BRAF: variants seen among roughly 807,000 people sequenced by gnomAD.
The protein encoded by BRAF is serine/threonine-protein kinase B-raf.
A neutral mutation model predicts 104.6 loss-of-function variants in BRAF; 16 were observed. The ratio of observed to expected loss-of-function variants is 0.15; its 90% CI spans 0.10 to 0.23. The LOEUF (loss-of-function observed/expected upper bound fraction) is 0.23, where lower values mean the gene tolerates loss of function less well. Among genes scored for constraint, BRAF ranks in the 10% least tolerant of loss-of-function variants. The pLI is 1.00. For synonymous variants in BRAF, 310 were observed against 341.6 expected, an observed-to-expected ratio of 0.91 and a Z score of 1.02; for missense variants, 541 against 937.3, an observed-to-expected ratio of 0.58 and a Z score of 5.52.
At chr7:140,828,434 GC>G (rs1806319931) in intron 3 of BRAF, among the ~76,000 whole-genome samples, 1 of 152,038 alleles carries the variant, frequency 6.6e-6, no homozygotes, top group Non-Finnish European at 1.5e-5. Flanking sequence ...ATTGAGCTCA[GC>G]TATACATTTA....
At position 140,720,362 on chromosome 7, in the gene BRAF, G is replaced by A. The variant is rs1416019114; in HGVS notation, c.*6132C>T. The A allele has an allele frequency of 9.4e-7, 1 of 1,062,462 alleles. No individual in the cohort carries two copies. Among genetic ancestry groups the A allele is most frequent in the Non-Finnish European group, 1.1e-6 (1 of 877,566 alleles). The allele number at this position is 1,062,462 out of a possible 1,614,324, so 65.8% of individuals were successfully genotyped here. ...CATTTTAAAATGAAGGCAGGAGAAG[G>A]GGACAGCACAGAGACATACACCCCT... is the stretch of plus-strand genomic sequence containing the variant. On this transcript the variant is annotated 3_prime_UTR_variant, in exon 20 of 20. Transcript: ENST00000644969.
At chr7:140,782,290 T>C (rs1297278399) in intron 11 of BRAF, among the ~76,000 whole-genome samples, 1 of 152,208 alleles carries the variant, frequency 6.6e-6, no homozygotes. Context: ...AATGTTTTTA[T>C]CATCTGGAAG....
intron 1 of BRAF, among the ~76,000 whole-genome samples, chr7:140,902,036 GCTT>G (rs1815705322): frequency 1.3e-5 from 2 of 152,330 alleles, no homozygotes; most frequent in African/African-American, 4.8e-5. Context: ...GTACAGGCAT[GCTT>G]CATCATATTG....
At position 140,778,088 on chromosome 7, in the gene BRAF, T is replaced by C. The variant is rs1208638900; in HGVS notation, c.1553-13A>G. On this transcript the variant is annotated splice_polypyrimidine_tract_variant and intron_variant, in intron 12 of 19. Coordinates refer to ENST00000644969, the MANE Select transcript of BRAF (RefSeq NM_001374258.1). ...ACTGCCACATCACCTAAAAGGCAAT[T>C]GTTACTCCAAGTGTCATTTCAATTT... The C allele has an allele frequency of 1.2e-6, 2 of 1,612,694 alleles. No homozygotes were observed. The highest frequency in any genetic ancestry group is 1.7e-6 in the Non-Finnish European group (2 of 1,179,206).
intron 18 of BRAF, among the ~76,000 whole-genome samples, chr7:140,738,900 G>A (rs552555708): frequency 1.1e-4 from 17 of 150,946 alleles, no homozygotes; most frequent in Non-Finnish European, 2.1e-4. Context: ...TGTAAGCCAC[G>A]ACACCTGGCC....
chr7:140,760,187 C>A (rs138876691), intron 14 of BRAF, among the ~76,000 whole-genome samples: 223 of 152,200 alleles, frequency 1.5e-3, no homozygotes, highest in Admixed American at 2.9e-3. Flanking sequence ...CCGAGATGGG[C>A]AGACCACTTG....
chr7:140,739,898 C>A lies in BRAF; in HGVS notation c.2161G>T (p.Val721Leu). The change falls in exon 18 of 20, where the codon GTA (valine) becomes TTA (leucine). Residue 721 changes from valine (V) to leucine (L), a missense_variant. By Grantham distance (32) the Val-to-Leu change is conservative. Transcript: ENST00000644969. ...RGYLSPDLSK[V>L]RSNCPKAMKR... ...ATGGCTTTTGGACAGTTACTCCGTA[C>A]CTTACTGAGATCTGGAGACAGGTAT... The A allele has an allele frequency of 6.2e-7, 1 of 1,613,634 alleles. No individual in the cohort carries two copies. The highest frequency in any genetic ancestry group is 8.5e-7 in the Non-Finnish European group (1 of 1,179,804).
intron 14 of BRAF, among the ~76,000 whole-genome samples, chr7:140,765,127 C>T (rs765919759): frequency 1.3e-5 from 2 of 152,000 alleles, no homozygotes; most frequent in African/African-American, 2.4e-5. Flanking sequence ...CAGAACAGAG[C>T]CCTCAGAAAT....
At chr7:140,772,598 C>A (rs1328134892) in intron 14 of BRAF, among the ~76,000 whole-genome samples, 5 of 151,928 alleles carry the variant, frequency 3.3e-5, no homozygotes, top group Non-Finnish European at 7.4e-5. Context: ...CCTGTCCAGC[C>A]TGGGTGACAG....
At chr7:140,767,067 G>T (rs369628314) in intron 14 of BRAF, among the ~76,000 whole-genome samples, 1 of 151,984 alleles carries the variant, frequency 6.6e-6, no homozygotes, top group Non-Finnish European at 1.5e-5. Flanking sequence ...GCAGTGGCGC[G>T]ATCTTGACTC....
intron 2 of BRAF, among the ~76,000 whole-genome samples, chr7:140,840,486 T>C (rs1183074540): frequency 6.6e-6 from 1 of 151,966 alleles, no homozygotes; most frequent in African/African-American, 2.4e-5. Context: ...GGATCTACTA[T>C]CTAGAATATA....
chr7:140,847,695 T>C (rs1290608555), intron 2 of BRAF, among the ~76,000 whole-genome samples: 1 of 152,226 alleles, frequency 6.6e-6, no homozygotes, highest in African/African-American at 2.4e-5. Context: ...TGTTATTTCA[T>C]AATTATAAAC....
chr7:140,805,540 G>A (rs537177416), intron 5 of BRAF, among the ~76,000 whole-genome samples: 4 of 151,762 alleles, frequency 2.6e-5, no homozygotes, highest in Non-Finnish European at 4.4e-5. Context: ...TTTCTTTTGG[G>A]TCACAGCTTA....
Position 140,799,621 on chromosome 7 carries a change from G to A in BRAF, c.980+741C>T, listed in dbSNP as rs931614070. The A allele has an allele frequency of 2.6e-5, 6 of 232,074 alleles. No homozygotes were observed. The East Asian group carries it at 3.1e-4, about 12-fold the overall frequency. 14.4% of individuals were successfully genotyped at this position (232,074 alleles called of 1,614,324 possible). ...CACCATGCTTCTATTCCCTAGGCCC[G>A]TTCAGATTGTAGTAATTCTTTAAAG... On this transcript the variant is annotated intron_variant, in intron 7 of 19. Transcript: ENST00000644969.
At chr7:140,879,059 G>A (rs1013333072) in intron 1 of BRAF, among the ~76,000 whole-genome samples, 1 of 151,834 alleles carries the variant, frequency 6.6e-6, no homozygotes, top group Admixed American at 6.6e-5. Context: ...TGTATTTTTA[G>A]TAGAGACGTG....
intron 3 of BRAF, among the ~76,000 whole-genome samples, chr7:140,813,403 A>T (rs1379854526): frequency 6.6e-6 from 1 of 152,234 alleles, no homozygotes; most frequent in Non-Finnish European, 1.5e-5. Context: ...TACTGGTATG[A>T]AGCTATAAAC....
intron 1 of BRAF, among the ~76,000 whole-genome samples, chr7:140,875,297 G>A (rs1374885103): frequency 6.6e-6 from 1 of 152,092 alleles, no homozygotes. Flanking sequence ...ATTCAAAAAG[G>A]TCGGTGAATC....
At chr7:140,730,721 A>T (rs77481652) in intron 19 of BRAF, 1 of 126,530 alleles carries the variant, frequency 7.9e-6, no homozygotes, top group African/African-American at 2.7e-5. Flanking sequence ...GGGAAGACTG[A>T]AAAAAAAAAA....
intron 14 of BRAF, chr7:140,773,149 T>G (rs143441236): frequency 6.6e-6 from 1 of 152,262 alleles, no homozygotes; most frequent in African/African-American, 2.4e-5. Context: ...TTGTATGTGT[T>G]TCTCCCAATG....
Sources: allele counts gnomAD v4.1 joint callset (sites outside exome capture counted in the v4.1 genomes callset), GRCh38; gene constraint gnomAD v4.1.1; transcripts MANE v1.5; gene names NCBI Gene and HGNC (gene_info 2026-07-23, HGNC 2026-07-21).